MALRD1: variants seen among roughly 807,000 people sequenced by gnomAD.
The protein encoded by MALRD1 is MAM and LDL-receptor class A domain-containing protein 1.
A neutral mutation model predicts 242.1 loss-of-function variants in MALRD1; 247 were observed. The observed-to-expected ratio is 1.02, with a 90% CI of 0.92 to 1.13. MALRD1 has a LOEUF of 1.13. MALRD1 is among the 50% of genes most tolerant of loss of function. The pLI is 0.00. For missense variants in MALRD1, 2,989 were observed against 2,533.1 expected (o/e 1.18, Z -3.86); for synonymous variants, 995 against 866.6 (o/e 1.15, Z -2.60).
chr10:19,245,503 T>G (rs1270634080), intron 18 of MALRD1, among the ~76,000 whole-genome samples: 1 of 152,208 alleles, frequency 6.6e-6, no homozygotes, highest in Non-Finnish European at 1.5e-5. Flanking sequence ...AATTCATTCT[T>G]ATCTCAGTTA....
At chr10:19,229,738 T>C (rs748539801) in intron 18 of MALRD1, among the ~76,000 whole-genome samples, 38 of 152,150 alleles carry the variant, frequency 2.5e-4, no homozygotes, top group Non-Finnish European at 5.3e-4. Context: ...CACCAATGCA[T>C]TGTAGCACTA....
intron 32 of MALRD1, among the ~76,000 whole-genome samples, chr10:19,556,920 G>C (rs1450890388): frequency 6.6e-6 from 1 of 152,114 alleles, no homozygotes; most frequent in South Asian, 2.1e-4. Flanking sequence ...CATAGTGAAT[G>C]AGAGTTCCTG....
intron 32 of MALRD1, among the ~76,000 whole-genome samples, chr10:19,547,422 G>T (rs1564431222): frequency 6.6e-6 from 1 of 151,908 alleles, no homozygotes; most frequent in Non-Finnish European, 1.5e-5. Context: ...AATTTCTAAA[G>T]CTCTCTGCTT....
chr10:19,255,608 C>A (rs897560313), intron 18 of MALRD1, among the ~76,000 whole-genome samples: 3 of 152,062 alleles, frequency 2.0e-5, no homozygotes, highest in African/African-American at 7.2e-5. Context: ...GACTATCATA[C>A]AAATGGACAA....
intron 32 of MALRD1, among the ~76,000 whole-genome samples, chr10:19,556,844 A>G (rs1835741009): frequency 6.6e-6 from 1 of 152,152 alleles, no homozygotes; most frequent in Non-Finnish European, 1.5e-5. Flanking sequence ...AAACTGTCTG[A>G]CAAAGTGGCT....
intron 28 of MALRD1, among the ~76,000 whole-genome samples, chr10:19,393,737 G>A (rs1407072192): frequency 6.6e-6 from 1 of 151,792 alleles, no homozygotes. Flanking sequence ...TTACAGGCGT[G>A]AGCCACCGCG....
chr10:19,594,226 T>C (rs2131555535), intron 33 of MALRD1, among the ~76,000 whole-genome samples: 1 of 152,334 alleles, frequency 6.6e-6, no homozygotes, highest in South Asian at 2.1e-4. Context: ...ATTGAAGGCA[T>C]AGAAATAAAA....
At chr10:19,324,838 A>G (rs748399295) in intron 22 of MALRD1, among the ~76,000 whole-genome samples, 2 of 151,794 alleles carry the variant, frequency 1.3e-5, no homozygotes, top group Non-Finnish European at 2.9e-5. Context: ...CCTATTATAT[A>G]ACCAATATGG....
At chr10:19,616,053 T>C in intron 36 of MALRD1, 130 bp downstream of exon 36, 1 of 593,528 alleles carries the variant, frequency 1.7e-6, no homozygotes, top group Non-Finnish European at 2.9e-6. Flanking sequence ...ATAATGGTAC[T>C]ATTTACATTT....
At chr10:19,556,491 A>G (rs1449132334) in intron 32 of MALRD1, among the ~76,000 whole-genome samples, 1 of 152,044 alleles carries the variant, frequency 6.6e-6, no homozygotes, top group Non-Finnish European at 1.5e-5. Context: ...CTTTTCCATG[A>G]ATTCACATAG....
chr10:19,450,171 C>A (rs867416655), intron 28 of MALRD1, 136 bp from the exon 29 acceptor site: 1 of 746,248 alleles, frequency 1.3e-6, no homozygotes, highest in Non-Finnish European at 2.1e-6. Context: ...TCACCTTTCA[C>A]AGATTCAGTG....
intron 18 of MALRD1, among the ~76,000 whole-genome samples, chr10:19,230,435 A>C (rs547788588): frequency 8.8e-4 from 134 of 152,232 alleles, no homozygotes; most frequent in African/African-American, 3.0e-3. Context: ...GTGAAGGGAA[A>C]CCAGCATATC....
At chr10:19,698,900 G>A (rs1833492741) in intron 38 of MALRD1, among the ~76,000 whole-genome samples, 1 of 152,168 alleles carries the variant, frequency 6.6e-6, no homozygotes, top group South Asian at 2.1e-4. Context: ...GCAGGGACAT[G>A]GGTGAAGCTG....
chr10:19,166,835 G>T (rs1429644997), intron 13 of MALRD1, among the ~76,000 whole-genome samples: 3 of 152,164 alleles, frequency 2.0e-5, no homozygotes, highest in African/African-American at 4.8e-5. Context: ...AAACTAGATT[G>T]GATGGAGTGG....
intron 21 of MALRD1, among the ~76,000 whole-genome samples, chr10:19,292,848 A>G (rs1031242106): frequency 4.1e-5 from 6 of 144,580 alleles, no homozygotes; most frequent in Non-Finnish European, 7.5e-5. Flanking sequence ...AGCCGAGATC[A>G]CGCCATTGCA....
intron 21 of MALRD1, chr10:19,290,577 A>G (rs904828184): frequency 6.6e-6 from 1 of 152,140 alleles, no homozygotes; most frequent in Non-Finnish European, 1.5e-5. Flanking sequence ...TTTCCTTTAA[A>G]TTATGTAGGG....
intron 34 of MALRD1, among the ~76,000 whole-genome samples, chr10:19,600,149 T>TTGTAGATCCA (rs1235245784): frequency 1.3e-5 from 2 of 152,162 alleles, no homozygotes; most frequent in Admixed American, 1.3e-4. Flanking sequence ...TTCCTAAGAC[T>TTGTAGATCCA]TGTAGATCCA....
Position 19,368,738 on chromosome 10 carries a change from G to A in MALRD1, c.4441+16441G>A, listed in dbSNP as rs552951454. ...ATTTTAACAATATTAATTCTGCTCA[G>A]TGATCATGGGATGTTTTTCCATTCC... On this transcript the variant is annotated intron_variant, in intron 26 of 39. Coordinates refer to ENST00000454679, the MANE Select transcript of MALRD1 (RefSeq NM_001142308.3). Among the ~76,000 whole-genome samples, 191 of 151,686 alleles carry A rather than the reference G, an allele frequency of 1.3e-3. 1 individual carries two copies. The highest frequency in any genetic ancestry group is 2.7e-3 in the South Asian group (13 of 4,814).
chr10:19,696,997 A>C (rs556479037), intron 38 of MALRD1, among the ~76,000 whole-genome samples: 5 of 152,192 alleles, frequency 3.3e-5, no homozygotes, highest in Non-Finnish European at 5.9e-5. Context: ...CATGAACACA[A>C]ACATGAATGA....
Sources: gnomAD v4.1 joint callset for allele counts (sites outside exome capture counted in the v4.1 genomes callset) on GRCh38, gnomAD v4.1.1 for gene constraint, MANE v1.5 for transcripts, NCBI Gene and HGNC (gene_info 2026-07-23, HGNC 2026-07-21) for gene names.